RIMS2: variants seen among roughly 807,000 people sequenced by gnomAD.
RIMS2 encodes regulating synaptic membrane exocytosis 2, also known as regulating synaptic membrane exocytosis protein 2.
Under a neutral mutation model 174.4 loss-of-function variants are expected in RIMS2, and 59 were observed. The ratio of observed to expected loss-of-function variants is 0.34; its 90% CI spans 0.27 to 0.42. The LOEUF (loss-of-function observed/expected upper bound fraction) is 0.42. Ranked by LOEUF, RIMS2 falls within the 10% of genes least tolerant of loss-of-function variation. RIMS2 has a pLI of 1.00. For missense variants in RIMS2, 1,620 were observed against 1,666.3 expected (o/e 0.97, Z 0.48); for synonymous variants, 606 against 572.5 (o/e 1.06, Z -0.84).
chr8:103,885,421 T>C, exon 4 of RIMS2: 1 of 1,611,908 alleles, frequency 6.2e-7, no homozygotes, highest in Non-Finnish European at 8.5e-7. Flanking sequence ...CAGATTATGC[T>C]GATAGGCGAT....
exon 3 of RIMS2, chr8:103,766,521 G>T: frequency 6.2e-7 from 1 of 1,611,764 alleles, no homozygotes; most frequent in South Asian, 1.1e-5. Context: ...CATTGCCAGT[G>T]ACATAGCTTC....
At chr8:103,860,185 G>C (rs1318312790) in intron 3 of RIMS2, among the ~76,000 whole-genome samples, 7 of 152,064 alleles carry the variant, frequency 4.6e-5, no homozygotes, top group African/African-American at 1.7e-4. Context: ...CAAATTTATT[G>C]CCTATTGAAC....
At chr8:104,051,405 T>C (rs1374770103) in intron 19 of RIMS2, among the ~76,000 whole-genome samples, 6 of 152,190 alleles carry the variant, frequency 3.9e-5, no homozygotes, top group South Asian at 2.1e-4. Flanking sequence ...AACATAGTTA[T>C]AGATTATAGA....
At chr8:103,629,528 G>A (rs2095862952) in intron 1 of RIMS2, among the ~76,000 whole-genome samples, 1 of 151,904 alleles carries the variant, frequency 6.6e-6, no homozygotes, top group Non-Finnish European at 1.5e-5. Context: ...CAACCTAACA[G>A]GAAGTAAAAA....
intron 1 of RIMS2, among the ~76,000 whole-genome samples, chr8:103,621,831 T>A (rs2095642284): frequency 6.6e-6 from 1 of 151,984 alleles, no homozygotes; most frequent in Non-Finnish European, 1.5e-5. Flanking sequence ...ATGCACATTT[T>A]GATCATATAT....
intron 3 of RIMS2, among the ~76,000 whole-genome samples, chr8:103,879,957 C>G (rs1354660837): frequency 6.6e-6 from 1 of 151,456 alleles, no homozygotes. Context: ...TTAAAATGAG[C>G]AAAATTTGAT....
intron 19 of RIMS2, among the ~76,000 whole-genome samples, chr8:104,033,246 T>C (rs1014115173): frequency 6.6e-6 from 1 of 151,978 alleles, no homozygotes; most frequent in African/African-American, 2.4e-5. Context: ...AGTGATTAGC[T>C]TAATATATTT....
intron 1 of RIMS2, among the ~76,000 whole-genome samples, chr8:103,563,316 G>T (rs2091892577): frequency 6.6e-6 from 1 of 152,254 alleles, no homozygotes; most frequent in African/African-American, 2.4e-5. Context: ...CATCTTGAAT[G>T]TTTTGCTGCT....
chr8:104,067,224 A>G (rs970427189), intron 19 of RIMS2, among the ~76,000 whole-genome samples: 3 of 152,126 alleles, frequency 2.0e-5, no homozygotes, highest in Admixed American at 6.6e-5. Flanking sequence ...GTGTATGTTG[A>G]CATTCCTACC....
intron 1 of RIMS2, among the ~76,000 whole-genome samples, chr8:103,639,535 G>C (rs1214197716): frequency 6.6e-6 from 1 of 151,816 alleles, no homozygotes; most frequent in African/African-American, 2.4e-5. Context: ...CATATAAATT[G>C]AATCAAACCT....
At chr8:104,163,638 C>T (rs2098778428) in intron 19 of RIMS2, among the ~76,000 whole-genome samples, 1 of 152,122 alleles carries the variant, frequency 6.6e-6, no homozygotes, top group African/African-American at 2.4e-5. Flanking sequence ...CTAGGATATG[C>T]TTGGGACTGA....
At chr8:104,226,382 C>T (rs2099188191) in intron 19 of RIMS2, among the ~76,000 whole-genome samples, 1 of 152,082 alleles carries the variant, frequency 6.6e-6, no homozygotes, top group South Asian at 2.1e-4. Context: ...TCTTCTTGTA[C>T]AGCGTGTTGA....
At chr8:103,739,419 A>G (rs1191952989) in intron 2 of RIMS2, among the ~76,000 whole-genome samples, 1 of 152,192 alleles carries the variant, frequency 6.6e-6, no homozygotes, top group Non-Finnish European at 1.5e-5. Context: ...TAGGAGATAT[A>G]CCTAATGTAA....
intron 1 of RIMS2, among the ~76,000 whole-genome samples, chr8:103,562,253 C>A (rs1460018678): frequency 6.6e-6 from 1 of 152,200 alleles, no homozygotes; most frequent in African/African-American, 2.4e-5. Context: ...TCATCTGAGA[C>A]AAGGCAGTCC....
In RIMS2 at chr8:103,563,460, C is replaced by G. The variant is rs558715646; in HGVS notation, c.176+62398C>G. ...TAGTCACCTTTGCTCCAATTCCCAA[C>G]AAATTCCTTATATCCATCTGAGACC... is the stretch of plus-strand genomic sequence containing the variant. On this transcript the variant is annotated intron_variant, in intron 1 of 23. Transcript: ENST00000504942. Among the ~76,000 whole-genome samples the G allele has an allele frequency of 2.0e-4, 31 of 152,300 alleles. No homozygotes were observed. In the South Asian group the frequency reaches 5.8e-3, roughly 29 times the overall value.
chr8:103,588,086 T>C (rs201442309), intron 1 of RIMS2, among the ~76,000 whole-genome samples: 1 of 151,664 alleles, frequency 6.6e-6, no homozygotes, highest in Admixed American at 6.6e-5. Flanking sequence ...ACATACAAAA[T>C]CAGTAGCATT....
chr8:103,629,021 C>G (rs907933155), intron 1 of RIMS2, among the ~76,000 whole-genome samples: 2 of 152,134 alleles, frequency 1.3e-5, no homozygotes, highest in Non-Finnish European at 2.9e-5. Flanking sequence ...CCCTTTTATC[C>G]TTGCCCTGCA....
intron 2 of RIMS2, among the ~76,000 whole-genome samples, chr8:103,757,513 A>T (rs1223571283): frequency 6.6e-6 from 1 of 152,120 alleles, no homozygotes; most frequent in Non-Finnish European, 1.5e-5. Flanking sequence ...AAACGTATGC[A>T]TTCATTTCCA....
At chr8:103,698,429 G>A (rs2097131793) in intron 2 of RIMS2, among the ~76,000 whole-genome samples, 2 of 151,986 alleles carry the variant, frequency 1.3e-5, no homozygotes, top group African/African-American at 4.8e-5. Context: ...GTTGTTGTTT[G>A]GTTGGTTTTT....
Sources: allele counts gnomAD v4.1 joint callset (sites outside exome capture counted in the v4.1 genomes callset), GRCh38; gene constraint gnomAD v4.1.1; transcripts MANE v1.5; gene names NCBI Gene and HGNC (gene_info 2026-07-23, HGNC 2026-07-21).